The following FANCI variants were observed in gnomAD, a reference collection of about 807,000 sequenced individuals.
FANCI encodes the protein Fanconi anemia group I protein.
Under a neutral mutation model 176.1 loss-of-function variants are expected in FANCI, and 156 were observed. The observed-to-expected ratio is 0.89, with a 90% CI of 0.78 to 1.01. The LOEUF is 1.01. Ranked by LOEUF, FANCI falls within the 50% of genes least tolerant of loss-of-function variation. The pLI is 0.00. For synonymous variants in FANCI, 613 were observed against 541.7 expected, an observed-to-expected ratio of 1.13 and a Z score of -1.83; for missense variants, 1,678 against 1,534.1, an observed-to-expected ratio of 1.09 and a Z score of -1.57.
In FANCI at chr15:89,297,286, G is replaced by A. The variant is rs1431964973; in HGVS notation, c.2636+2192G>A. Among the ~76,000 whole-genome samples the A allele has an allele frequency of 5.3e-5, 8 of 151,814 alleles. No individual in the cohort carries two copies. In the South Asian group the frequency reaches 1.0e-3, roughly 20 times the overall value. ...TCACTTCCCAGATGGGATGGCGGCC[G>A]GGAAGAGGCGCTCCTCACCTCCTAG... is the stretch of plus-strand genomic sequence containing the variant. On this transcript the variant is annotated intron_variant, in intron 24 of 37. Transcript: ENST00000310775.
Position 89,305,934 on chromosome 15 carries a change from A to G in FANCI, c.3350-73A>G, listed in dbSNP as rs564902867. 6.0e-6 allele frequency: 9 copies of G among 1,499,708 alleles called. No homozygotes were observed. The Admixed American group carries it at 1.0e-4, about 17-fold the overall frequency. 92.9% of individuals were successfully genotyped at this position (1,499,708 alleles called of 1,614,324 possible). A position where few individuals can be genotyped will look rare whatever the true frequency, so the allele number is the denominator to read the frequency against. On this transcript the variant is annotated intron_variant, in intron 31 of 37. Coordinates refer to ENST00000310775, the MANE Select transcript of FANCI (RefSeq NM_001113378.2). ...AAGACTTTCTAGTTAGTAGTAATCA[A>G]TTTCTAAATCTCCTTTACTCTTAAT...
intron 18 of FANCI, 124 bp downstream of exon 18, chr15:89,285,342 G>T (rs957676082): frequency 5.3e-6 from 7 of 1,319,530 alleles, no homozygotes; most frequent in Non-Finnish European, 7.3e-6. Context: ...AGCACCAGTA[G>T]CTAGTGATGT....
chr15:89,254,286 A>T (rs2052400712), intron 2 of FANCI, among the ~76,000 whole-genome samples: 1 of 152,114 alleles, frequency 6.6e-6, no homozygotes, highest in Non-Finnish European at 1.5e-5. Flanking sequence ...ACCATTCCTC[A>T]CTCAAGGGAA....
At chr15:89,267,256 G>A (rs1203760664) in intron 9 of FANCI, among the ~76,000 whole-genome samples, 2 of 150,366 alleles carry the variant, frequency 1.3e-5, no homozygotes, top group Non-Finnish European at 3.0e-5. Flanking sequence ...GGAGGCGGAG[G>A]TTGCAGTGAG....
chr15:89,261,522 T>G (rs755763600), intron 4 of FANCI, 63 bp from the exon 5 acceptor site: 10 of 1,597,788 alleles, frequency 6.3e-6, no homozygotes, highest in Non-Finnish European at 8.6e-6. Context: ...ACTTTATTTC[T>G]TAGAAAGATT....
At chr15:89,275,037 G>GCTGGGA (rs1221950066) in intron 12 of FANCI, among the ~76,000 whole-genome samples, 1 of 150,784 alleles carries the variant, frequency 6.6e-6, no homozygotes, top group Non-Finnish European at 1.5e-5. Flanking sequence ...CACCTCAGTA[G>GCTGGGA]CTGGGACTAT....
At chr15:89,268,651 CTTT>C (rs550024879) in intron 10 of FANCI, 126 bp downstream of exon 10, 360 of 935,132 alleles carry the variant, frequency 3.8e-4, no homozygotes, top group Middle Eastern at 6.9e-4. Flanking sequence ...TGGAGGATCT[CTTT>C]TTTTTTTTTT....
intron 24 of FANCI, among the ~76,000 whole-genome samples, chr15:89,295,366 G>GAAAA (rs373941070): frequency 1.0e-5 from 1 of 96,300 alleles, no homozygotes; most frequent in African/African-American, 4.4e-5. Context: ...ACTCTCAAAA[G>GAAAA]AAAAAAAAAA....
intron 24 of FANCI, among the ~76,000 whole-genome samples, chr15:89,295,324 C>G (rs1240652845): frequency 6.7e-6 from 1 of 150,142 alleles, no homozygotes; most frequent in African/African-American, 2.5e-5. Flanking sequence ...TGAGTTCATA[C>G]CACTGCACTC....
chr15:89,302,591 TGA>T (rs1327063568), intron 27 of FANCI, among the ~76,000 whole-genome samples: 1 of 151,638 alleles, frequency 6.6e-6, no homozygotes, highest in African/African-American at 2.4e-5. Flanking sequence ...TTTTTTTTTT[TGA>T]GACAGAGTCT....
rs16943011 is a variant in FANCI at position 89,314,467 on chromosome 15, T to G, written c.3721-145T>G. On this transcript the variant is annotated intron_variant, in intron 35 of 37. Coordinates refer to ENST00000310775, the MANE Select transcript of FANCI (RefSeq NM_001113378.2). Reference sequence around the variant, plus strand: ...CTTCCAGATTGAACTGCCAAAAATTTTAGATTACTGGTATACAACTGCATT... The same window carrying G: ...CTTCCAGATTGAACTGCCAAAAATTGTAGATTACTGGTATACAACTGCATT... 263,572 of 664,774 alleles carry G rather than the reference T, an allele frequency of 0.4. 52,604 individuals carry two copies. The highest frequency in any genetic ancestry group is 0.4 in the South Asian group (23,010 of 57,892). The allele number at this position is 664,774 out of a possible 1,614,324, so 41.2% of individuals were successfully genotyped here.
chr15:89,279,219 G>T lies in FANCI; in HGVS notation c.1381+445G>T, dbSNP rs139071574. On this transcript the variant is annotated intron_variant, in intron 14 of 37. Coordinates refer to ENST00000310775, the MANE Select transcript of FANCI (RefSeq NM_001113378.2). ...ACTCTGTTGCCTGGAGTGCAGTGGC[G>T]CAATCTCAGCTCACTGCAACCTCTG... 1.1e-3 allele frequency among the ~76,000 whole-genome samples: 166 copies of T among 152,142 alleles called. 3 individuals are homozygous for T. The highest frequency in any genetic ancestry group is 0.01 in the East Asian group (52 of 5,182).
In FANCI at chr15:89,316,868, A is replaced by C; in HGVS notation, c.*409A>C. ...AATTGGTTAGGATGCCACCTCAAGA[A>C]CTGTAACTGAGAGCTCAGAAGTGAG... On this transcript the variant is annotated 3_prime_UTR_variant, in exon 38 of 38. Transcript: ENST00000310775. 7.1e-7 allele frequency: 1 copy of C among 1,410,802 alleles called. No individual in the cohort carries two copies. The highest frequency in any genetic ancestry group is 1.0e-6 in the Non-Finnish European group (1 of 994,148). 87.4% of individuals were successfully genotyped at this position (1,410,802 alleles called of 1,614,324 possible). A position where few individuals can be genotyped will look rare whatever the true frequency, so the allele number is the denominator to read the frequency against.
rs773438545 is a variant in FANCI, at chr15:89,299,937, C to T, written c.2774C>T (p.Pro925Leu). 2 of 1,613,802 alleles carry T rather than the reference C, an allele frequency of 1.2e-6. No homozygotes were observed. Among genetic ancestry groups the T allele is most frequent in the Admixed American group, 3.3e-5 (2 of 59,982 alleles). ...IFSAVQQFYQPKIQQFLRALD... is the reference protein window; with the variant it reads ...IFSAVQQFYQLKIQQFLRALD... ...AGTGCTGTGCAACAGTTCTATCAGCCCAAGATTCAGCAGTTTCTCAGAGCT... is the reference window on the plus strand; with the variant it reads ...AGTGCTGTGCAACAGTTCTATCAGCTCAAGATTCAGCAGTTTCTCAGAGCT... The change falls in exon 25 of 38, where the codon CCC (proline) becomes CTC (leucine). Residue 925 changes from proline (P) to leucine (L), a missense_variant. This residue lies in a region of FANCI where 1,204 missense variants were observed against 1,077.4 expected (regional missense o/e 1.12). Transcript: ENST00000310775.
At chr15:89,306,270 C>A (rs2054714587) in intron 32 of FANCI, 76 bp downstream of exon 32, 1 of 1,414,002 alleles carries the variant, frequency 7.1e-7, no homozygotes, top group Admixed American at 1.7e-5. Context: ...GGGCAGCAGC[C>A]CACTGCTGCA....
rs777522894 is a variant in FANCI, at chr15:89,263,911, C to A, written c.554C>A (p.Pro185His). ...GAATCTTTGATCCACAGGGATGTCC[C>A]TCTGACTGCAGAAGAGGTGGAATTT... is the stretch of plus-strand genomic sequence containing the variant. ...IQLTSMFKDV[P>H]LTAEEVEFVV... The change falls in exon 8 of 38, where the codon CCT (proline) becomes CAT (histidine). Residue 185 changes from proline (P) to histidine (H), a missense_variant. This residue lies in a region of FANCI where 469 missense variants were observed against 436.9 expected (regional missense o/e 1.07). Coordinates refer to ENST00000310775, the MANE Select transcript of FANCI (RefSeq NM_001113378.2). 2 of 1,614,002 alleles carry A rather than the reference C, an allele frequency of 1.2e-6. No individual in the cohort carries two copies. Among genetic ancestry groups the A allele is most frequent in the African/African-American group, 2.7e-5 (2 of 74,950 alleles).
intron 19 of FANCI, among the ~76,000 whole-genome samples, chr15:89,291,009 G>A (rs1395450740): frequency 3.3e-5 from 5 of 152,026 alleles, no homozygotes; most frequent in Non-Finnish European, 5.9e-5. Flanking sequence ...ACATTCACAC[G>A]TTTAACAAAA....
At chr15:89,293,165 G>C in intron 22 of FANCI, 102 bp downstream of exon 22, 1 of 1,249,356 alleles carries the variant, frequency 8.0e-7, no homozygotes, top group Non-Finnish European at 1.2e-6. Flanking sequence ...GACCACAGAC[G>C]ATGACACTGT....
At chr15:89,255,570 A>T (rs1478178612) in intron 2 of FANCI, among the ~76,000 whole-genome samples, 1 of 152,218 alleles carries the variant, frequency 6.6e-6, no homozygotes, top group Non-Finnish European at 1.5e-5. Flanking sequence ...CGAGAATGAC[A>T]TGATATCACC....
Sources: gnomAD v4.1 joint callset for allele counts (sites outside exome capture counted in the v4.1 genomes callset) on GRCh38, gnomAD v4.1.1 for gene constraint, gnomAD v4.1.1 regional missense constraint, MANE v1.5 for transcripts, NCBI Gene and HGNC (gene_info 2026-07-23, HGNC 2026-07-21) for gene names.